EIF2B3: variants seen among roughly 807,000 people sequenced by gnomAD.
The protein encoded by EIF2B3 is eukaryotic translation initiation factor 2B subunit gamma.
Under a neutral mutation model 54.1 loss-of-function variants are expected in EIF2B3, and 20 were observed. That is an observed-to-expected ratio of 0.37 (90% CI 0.26 to 0.54). The LOEUF is 0.54. EIF2B3 is among the 20% of genes least tolerant of loss of function. EIF2B3 has a pLI of 0.86. For synonymous variants in EIF2B3, 153 were observed against 188.1 expected (o/e 0.81, Z 1.52); for missense variants, 448 against 547.8 (o/e 0.82, Z 1.82).
At chr1:44,926,228 A>G (rs1421934426) in intron 5 of EIF2B3, among the ~76,000 whole-genome samples, 1 of 152,240 alleles carries the variant, frequency 6.6e-6, no homozygotes, top group East Asian at 1.9e-4. Flanking sequence ...ACTCAGTCTC[A>G]AAAAACTTAA....
intron 6 of EIF2B3, among the ~76,000 whole-genome samples, chr1:44,882,928 C>CTTTTTTTTTTTTTTTTTT (rs1003449669): frequency 8.7e-6 from 1 of 114,456 alleles, no homozygotes; most frequent in Admixed American, 9.2e-5. Flanking sequence ...TTTTCTTTTT[C>CTTTTTTTTTTTTTTTTTT]TTTTTTTTTT....
At chr1:44,908,841 G>A (rs1474757529) in intron 5 of EIF2B3, among the ~76,000 whole-genome samples, 1 of 152,170 alleles carries the variant, frequency 6.6e-6, no homozygotes, top group African/African-American at 2.4e-5. Flanking sequence ...TAATGCTGGA[G>A]GAAAGGAATC....
chr1:44,954,211 G>A (rs946580629), intron 3 of EIF2B3, among the ~76,000 whole-genome samples: 4 of 152,152 alleles, frequency 2.6e-5, no homozygotes, highest in African/African-American at 7.2e-5. Context: ...CAATAGAATT[G>A]TCTTGGCTAT....
At chr1:44,884,457 G>C (rs1377611721) in intron 6 of EIF2B3, among the ~76,000 whole-genome samples, 1 of 152,140 alleles carries the variant, frequency 6.6e-6, no homozygotes, top group Non-Finnish European at 1.5e-5. Context: ...GGAGGGTAAG[G>C]AAAACTATGA....
At chr1:44,978,287 C>T in intron 3 of EIF2B3, 28 bp downstream of exon 3, 1 of 1,612,720 alleles carries the variant, frequency 6.2e-7, no homozygotes, top group Non-Finnish European at 8.5e-7. Flanking sequence ...CTTCAATAAA[C>T]AAGAAGAGTC....
At chr1:44,928,748 A>AGC in intron 4 of EIF2B3, among the ~76,000 whole-genome samples, 1 of 152,188 alleles carries the variant, frequency 6.6e-6, no homozygotes, top group Admixed American at 6.5e-5. Context: ...TAGATTATAA[A>AGC]CTTTTCAAAG....
chr1:44,856,247 G>C (rs1010363374), intron 11 of EIF2B3, among the ~76,000 whole-genome samples: 8 of 152,102 alleles, frequency 5.3e-5, no homozygotes, highest in Non-Finnish European at 1.2e-4. Context: ...GGGCGCAGTG[G>C]CTCATACCTG....
intron 10 of EIF2B3, among the ~76,000 whole-genome samples, chr1:44,872,414 G>A (rs1209593736): frequency 6.6e-6 from 1 of 152,142 alleles, no homozygotes; most frequent in African/African-American, 2.4e-5. Context: ...GGGAGGCTGA[G>A]GTGGGAGGAC....
At chr1:44,952,991 T>C (rs1644184091) in intron 3 of EIF2B3, among the ~76,000 whole-genome samples, 1 of 152,182 alleles carries the variant, frequency 6.6e-6, no homozygotes, top group Non-Finnish European at 1.5e-5. Context: ...CAGTGATTAG[T>C]TCCTTGTAGG....
Position 44,881,735 on chromosome 1 carries a change from T to C in EIF2B3, c.661A>G (p.Ile221Val). 1.9e-6 allele frequency: 3 copies of C among 1,614,140 alleles called. No individual in the cohort carries two copies. The highest frequency in any genetic ancestry group is 2.5e-6 in the Non-Finnish European group (3 of 1,179,988). The change falls in exon 7 of 12, where the codon ATA becomes GTA. Residue 221 changes from isoleucine (I) to valine (V), a missense_variant. Ile to Val is a conservative substitution (Grantham distance 29). Transcript: ENST00000360403. The surrounding 1 kb of genome is among the most constrained non-coding windows in gnomAD (Gnocchi z 4.0). The part of the protein sequence containing the change: ...IVDFLMENGS[I>V]TSIRSELIPY... The stretch of plus-strand genomic sequence containing the variant: ...ATCAGTTCACTCCGGATAGAAGTTA[T>C]TGACCTAGAAAGAAAGAATGGCCAA...
In EIF2B3 at chr1:44,882,928, CTTTTT is replaced by C. The variant is rs1003449669; in HGVS notation, c.657-1194_657-1190del. On this transcript the variant is annotated intron_variant, in intron 6 of 11. Coordinates refer to ENST00000360403, the MANE Select transcript of EIF2B3 (RefSeq NM_020365.5). Reference sequence around the variant, plus strand: ...CTGTGCCTGACTTTTTTTTCTTTTTCTTTTTTTTTTTTTTTTTTTGAGATGGAGTC... The same window carrying C: ...CTGTGCCTGACTTTTTTTTCTTTTTCTTTTTTTTTTTTTTGAGATGGAGTC... Among the ~76,000 whole-genome samples the C allele has an allele frequency of 9.3e-4, 106 of 114,450 alleles. 1 individual carries two copies. Among genetic ancestry groups the C allele is most frequent in the Admixed American group, 4.6e-4 (5 of 10,816 alleles). 75.1% of individuals were successfully genotyped at this position (114,450 alleles called of 152,430 possible).
At chr1:44,927,076 G>A (rs184423715) in intron 4 of EIF2B3, among the ~76,000 whole-genome samples, 1 of 152,096 alleles carries the variant, frequency 6.6e-6, no homozygotes, top group Non-Finnish European at 1.5e-5. Context: ...GGAGGTTGCA[G>A]TGAGCTGAGA....
intron 10 of EIF2B3, among the ~76,000 whole-genome samples, chr1:44,858,837 T>C (rs979672732): frequency 2.6e-5 from 4 of 152,110 alleles, no homozygotes; most frequent in Non-Finnish European, 4.4e-5. Flanking sequence ...CAAGCAATTC[T>C]CCTGCTTCAG....
rs899078385 is a variant in EIF2B3 at position 44,928,563 on chromosome 1, A to G, written c.455-1824T>C. 3.9e-5 allele frequency among the ~76,000 whole-genome samples: 6 copies of G among 151,946 alleles called. No homozygotes were observed. The South Asian group carries it at 1.2e-3, about 32-fold the overall frequency. ...ATAACCTAGGTCTTCTTACTGTGAA[A>G]ATGGGAATAATATTATTTAAAGTCA... On this transcript the variant is annotated intron_variant, in intron 4 of 11. Transcript: ENST00000360403.
chr1:44,871,296 G>A (rs76569195), intron 10 of EIF2B3, among the ~76,000 whole-genome samples: 1,890 of 152,194 alleles, frequency 0.012, 41 homozygotes, highest in African/African-American at 0.044. Flanking sequence ...CCTTAGTTTA[G>A]GACCTCTTCT....
rs765224340 is a variant in EIF2B3 at position 44,852,114 on chromosome 1, A to ATTTTTTTTTTTTT, written c.1307-1112_1307-1111insAAAAAAAAAAAAA. Among the ~76,000 whole-genome samples, 3 of 146,330 alleles carry ATTTTTTTTTTTTT rather than the reference A, an allele frequency of 2.1e-5. No individual in the cohort carries two copies. The East Asian group carries it at 6.4e-4, about 31-fold the overall frequency. On this transcript the variant is annotated intron_variant, in intron 11 of 11. Coordinates refer to ENST00000360403, the MANE Select transcript of EIF2B3 (RefSeq NM_020365.5). The stretch of plus-strand genomic sequence containing the variant: ...CAGGCATATGACGCCACACATGGCT[A>ATTTTTTTTTTTTT]ATTTTTTTTTTTTTTTTTTTTGTAT...
At chr1:44,929,961 T>G (rs1316459429) in intron 4 of EIF2B3, among the ~76,000 whole-genome samples, 1 of 152,238 alleles carries the variant, frequency 6.6e-6, no homozygotes, top group Non-Finnish European at 1.5e-5. Flanking sequence ...AATTTCACTT[T>G]GGGAGCAGAG....
chr1:44,934,477 T>A (rs12733407), intron 4 of EIF2B3, among the ~76,000 whole-genome samples: 26 of 152,096 alleles, frequency 1.7e-4, no homozygotes, highest in African/African-American at 6.0e-4. Context: ...TTTTGTTTTT[T>A]AAATTTTTTT....
In EIF2B3 at chr1:44,881,890, T is replaced by C. The variant is rs1655414497; in HGVS notation, c.657-151A>G. On this transcript the variant is annotated intron_variant, in intron 6 of 11. Transcript: ENST00000360403. This position sits in a 1 kb window ranked among gnomAD's most constrained non-coding sequence, Gnocchi z 4.0. ...TCAAATGTGGCATTGACTTGGCAGT[T>C]CGGAGAAGCAGAGTGCTTCCTGGTG... 9.4e-7 allele frequency: 1 copy of C among 1,062,916 alleles called. No individual in the cohort carries two copies. The highest frequency in any genetic ancestry group is 1.4e-6 in the Non-Finnish European group (1 of 723,320). The allele number at this position is 1,062,916 out of a possible 1,614,324, so 65.8% of individuals were successfully genotyped here.
Sources: gnomAD v4.1 joint callset for allele counts (sites outside exome capture counted in the v4.1 genomes callset) on GRCh38, gnomAD v4.1.1 for gene constraint, Gnocchi (gnomAD v3.1) non-coding constraint, MANE v1.5 for transcripts, NCBI Gene and HGNC (gene_info 2026-07-23, HGNC 2026-07-21) for gene names.